The following BTBD10 variants were observed in gnomAD, a reference collection of about 807,000 sequenced individuals.
BTBD10 encodes BTB domain containing 10, also known as BTB/POZ domain-containing protein 10.
BTBD10 carries 21 observed loss-of-function variants against 53.2 expected under a neutral mutation model. The observed-to-expected ratio is 0.39, with a 90% confidence interval of 0.28 to 0.57. The LOEUF (loss-of-function observed/expected upper bound fraction) is 0.57, where lower values mean the gene tolerates loss of function less well. Among genes scored for constraint, BTBD10 ranks in the 20% least tolerant of loss-of-function variants. The pLI is 0.53. For synonymous variants in BTBD10, 149 were observed against 192.7 expected (o/e 0.77, Z 1.88); for missense variants, 360 against 594.7 (o/e 0.61, Z 4.10).
chr11:13,401,842 C>T (rs907444670), intron 8 of BTBD10, among the ~76,000 whole-genome samples: 3 of 152,178 alleles, frequency 2.0e-5, no homozygotes, highest in Non-Finnish European at 2.9e-5. Context: ...TACTAACTTT[C>T]AGACCAACTA....
intron 8 of BTBD10, among the ~76,000 whole-genome samples, chr11:13,398,099 T>C (rs996913617): frequency 8.5e-5 from 13 of 152,286 alleles, no homozygotes; most frequent in Non-Finnish European, 1.6e-4. Flanking sequence ...GATATCCTTG[T>C]TAACTTTCTG....
At chr11:13,441,343 C>T (rs919879490) in intron 2 of BTBD10, among the ~76,000 whole-genome samples, 2 of 152,074 alleles carry the variant, frequency 1.3e-5, no homozygotes, top group African/African-American at 2.4e-5. Context: ...AGATGATGGA[C>T]ATGCTACTTA....
At chr11:13,427,129 A>T (rs975061906) in intron 2 of BTBD10, among the ~76,000 whole-genome samples, 1 of 152,144 alleles carries the variant, frequency 6.6e-6, no homozygotes, top group Non-Finnish European at 1.5e-5. Context: ...AGGTGGGAGG[A>T]TCACTTGAGC....
At chr11:13,393,141 T>C (rs550231846) in intron 8 of BTBD10, among the ~76,000 whole-genome samples, 21 of 152,306 alleles carry the variant, frequency 1.4e-4, no homozygotes, top group African/African-American at 3.6e-4. Context: ...ACATTTGTGT[T>C]TAACAACAGC....
At chr11:13,425,325 C>G (rs910782438) in intron 2 of BTBD10, among the ~76,000 whole-genome samples, 2 of 152,184 alleles carry the variant, frequency 1.3e-5, no homozygotes, top group African/African-American at 2.4e-5. Context: ...AAGGACCACA[C>G]TGTTTCCCTA....
chr11:13,389,105 G>A lies in BTBD10; in HGVS notation c.1154C>T (p.Pro385Leu). Reference sequence around the variant, plus strand: ...GTAGATCACTTCTGGGCGGCCTCCAGGCCTTTTCTTTACTTTTTCTTTGTA... The same window carrying A: ...GTAGATCACTTCTGGGCGGCCTCCAAGCCTTTTCTTTACTTTTTCTTTGTA... ...PTYKEKVKKR[P>L]GGRPEVIYNY... Residue 385 changes from proline (P) to leucine (L), a missense_variant, in exon 9 of 9, where the codon CCT becomes CTT. Physicochemically the swap from Pro to Leu is moderately conservative, Grantham distance 98 (BLOSUM62 -3). This residue lies in a region of BTBD10 where 52 missense variants were observed against 180.4 expected (regional missense o/e 0.29). Coordinates refer to ENST00000278174, the MANE Select transcript of BTBD10 (RefSeq NM_032320.7). 1 of 1,612,768 alleles carries A rather than the reference G, an allele frequency of 6.2e-7. No individual in the cohort carries two copies. Among genetic ancestry groups the A allele is most frequent in the Non-Finnish European group, 8.5e-7 (1 of 1,179,596 alleles).
Position 13,461,293 on chromosome 11 carries a change from C to T in BTBD10, c.-58+1799G>A, listed in dbSNP as rs146696902. On this transcript the variant is annotated intron_variant, in intron 1 of 8. Transcript: ENST00000278174. ...TAATTAGTTGTCAATATTTTTAAGA[C>T]GCAAGACACTGAATGCAAAAATCTA... 9.1e-4 allele frequency among the ~76,000 whole-genome samples: 139 copies of T among 152,236 alleles called. 4 individuals carry two copies. Among genetic ancestry groups the T allele is most frequent in the Non-Finnish European group, 1.0e-3 (71 of 68,016 alleles).
chr11:13,440,921 A>G (rs923663148), intron 2 of BTBD10, among the ~76,000 whole-genome samples: 1 of 152,168 alleles, frequency 6.6e-6, no homozygotes, highest in Non-Finnish European at 1.5e-5. Context: ...TCTAATTCAT[A>G]ATTTAAAAAG....
chr11:13,440,093 C>T (rs1950617875), intron 2 of BTBD10: 2 of 1,520,498 alleles, frequency 1.3e-6, no homozygotes, highest in Admixed American at 4.0e-5. Flanking sequence ...TCTCCCCCTA[C>T]CTCACCTGTC....
intron 2 of BTBD10, among the ~76,000 whole-genome samples, chr11:13,433,577 T>C (rs1181675660): frequency 2.0e-5 from 3 of 152,244 alleles, no homozygotes; most frequent in Non-Finnish European, 4.4e-5. Context: ...TTTATAAGCA[T>C]CGTTAATGTG....
chr11:13,432,476 G>A (rs1286762771), intron 2 of BTBD10, among the ~76,000 whole-genome samples: 1 of 152,036 alleles, frequency 6.6e-6, no homozygotes, highest in East Asian at 1.9e-4. Context: ...ATTGAAGGAG[G>A]CTGAGTAGAG....
intron 1 of BTBD10, among the ~76,000 whole-genome samples, chr11:13,458,236 A>G (rs1951014503): frequency 6.6e-6 from 1 of 151,998 alleles, no homozygotes; most frequent in Non-Finnish European, 1.5e-5. Flanking sequence ...ACTTTAAAAT[A>G]TGGCAGTTTT....
intron 6 of BTBD10, among the ~76,000 whole-genome samples, chr11:13,412,351 G>T (rs913916059): frequency 7.9e-5 from 12 of 152,074 alleles, no homozygotes; most frequent in Non-Finnish European, 1.8e-4. Flanking sequence ...TACTGGGGAG[G>T]CTAAGGCAGG....
intron 5 of BTBD10, among the ~76,000 whole-genome samples, chr11:13,416,620 A>C (rs1374444040): frequency 6.6e-6 from 1 of 152,182 alleles, no homozygotes; most frequent in African/African-American, 2.4e-5. Context: ...ATAATCCCCT[A>C]TCCTATCATC....
chr11:13,449,016 C>T (rs1950799514), intron 1 of BTBD10, among the ~76,000 whole-genome samples: 1 of 151,988 alleles, frequency 6.6e-6, no homozygotes, highest in South Asian at 2.1e-4. Flanking sequence ...ACCACTGGGC[C>T]TGTTGGCTAG....
chr11:13,394,857 A>G (rs1949499851), intron 8 of BTBD10, among the ~76,000 whole-genome samples: 1 of 151,862 alleles, frequency 6.6e-6, no homozygotes, highest in African/African-American at 2.4e-5. Context: ...CCGTGTCCCT[A>G]CAAAGGACAT....
At chr11:13,404,142 C>T (rs1949767801) in intron 7 of BTBD10, among the ~76,000 whole-genome samples, 1 of 152,058 alleles carries the variant, frequency 6.6e-6, no homozygotes, top group Non-Finnish European at 1.5e-5. Context: ...ATTACTACAT[C>T]CTTAAGATTT....
intron 5 of BTBD10, among the ~76,000 whole-genome samples, chr11:13,414,867 A>G (rs1429981430): frequency 2.1e-5 from 3 of 143,760 alleles, no homozygotes; most frequent in African/African-American, 5.0e-5. Flanking sequence ...AAAAAAAAAG[A>G]AAAGACCTGT....
intron 2 of BTBD10, among the ~76,000 whole-genome samples, chr11:13,438,933 C>T (rs1950595911): frequency 6.6e-6 from 1 of 151,626 alleles, no homozygotes; most frequent in African/African-American, 2.4e-5. Flanking sequence ...GACCCTAAAC[C>T]ACAAAAAAAG....
Sources: gnomAD v4.1 joint callset for allele counts (sites outside exome capture counted in the v4.1 genomes callset) on GRCh38, gnomAD v4.1.1 for gene constraint, gnomAD v4.1.1 regional missense constraint, MANE v1.5 for transcripts, NCBI Gene and HGNC (gene_info 2026-07-23, HGNC 2026-07-21) for gene names.